Variants in ARHGAP36 observed in about 807,000 individuals in gnomAD.
The protein encoded by ARHGAP36 is Rho GTPase activating protein 36, also known as rho GTPase-activating protein 36.
ARHGAP36 carries 7 observed loss-of-function variants against 32.9 expected under a neutral mutation model. That is an observed-to-expected ratio of 0.21 (90% CI 0.12 to 0.40). The LOEUF (loss-of-function observed/expected upper bound fraction) is 0.40, where lower values mean the gene tolerates loss of function less well. ARHGAP36 is among the 10% of genes least tolerant of loss of function. ARHGAP36 has a pLI of 1.00. For synonymous variants in ARHGAP36, 165 were observed against 168.3 expected, an observed-to-expected ratio of 0.98 and a Z score of 0.15; for missense variants, 383 against 442.2, an observed-to-expected ratio of 0.87 and a Z score of 1.20.
chrX:131,067,950 G>A (rs922505237), intron 1 of ARHGAP36, among the ~76,000 whole-genome samples: 3 of 110,717 alleles, frequency 2.7e-5, no homozygotes, highest in African/African-American at 9.9e-5. Flanking sequence ...GCTTCAACGG[G>A]CACACACACA....
chrX:131,078,630 G>T, intron 1 of ARHGAP36: 1 of 601,198 alleles, frequency 1.7e-6, no homozygotes, highest in Admixed American at 3.4e-5. Context: ...CTCTCATAGT[G>T]CGAAAGCCTG....
At chrX:131,087,410 A>G (rs1003122643) in intron 11 of ARHGAP36, among the ~76,000 whole-genome samples, 1 of 111,349 alleles carries the variant, frequency 9.0e-6, no homozygotes, top group African/African-American at 3.3e-5. Context: ...TCAGCTCTTT[A>G]TGTGGTTCCA....
At chrX:131,083,439 C>T (rs1225328973) in intron 3 of ARHGAP36, among the ~76,000 whole-genome samples, 1 of 112,104 alleles carries the variant, frequency 8.9e-6, no homozygotes, top group African/African-American at 3.2e-5. Flanking sequence ...GGTGGACTCA[C>T]CCCACACAGA....
intron 1 of ARHGAP36, among the ~76,000 whole-genome samples, chrX:131,073,364 A>T (rs1263750135): frequency 8.9e-6 from 1 of 111,853 alleles, no homozygotes; most frequent in Non-Finnish European, 1.9e-5. Context: ...TGGCAGCCAG[A>T]GACCCAGGGC....
intron 7 of ARHGAP36, among the ~76,000 whole-genome samples, 182 bp from the exon 8 acceptor site, chrX:131,085,405 TA>T (rs1430139836): frequency 1.8e-5 from 2 of 109,475 alleles, no homozygotes; most frequent in Non-Finnish European, 3.8e-5. Flanking sequence ...GTCTGGTTTT[TA>T]TGGGGGCACT....
At chrX:131,068,166 C>T (rs1434841468) in intron 1 of ARHGAP36, among the ~76,000 whole-genome samples, 1 of 112,017 alleles carries the variant, frequency 8.9e-6, no homozygotes, top group Non-Finnish European at 1.9e-5. Context: ...CCAGCTAAAA[C>T]GTGCTCCGCG....
At chrX:131,080,937 T>G (rs1166990209) in intron 1 of ARHGAP36, among the ~76,000 whole-genome samples, 1 of 111,886 alleles carries the variant, frequency 8.9e-6, no homozygotes. Flanking sequence ...CAATTCTGTG[T>G]TTTGTATTTG....
At position 131,088,945 on chromosome X, in the gene ARHGAP36, C is replaced by T. The variant is rs932142871; in HGVS notation, c.*160C>T. ...AGGATGAGAATTCCAAACACACTGC[C>T]AGCCCCTTCACTGGGGATGCTTGGT... On this transcript the variant is annotated 3_prime_UTR_variant, in exon 12 of 12. Transcript: ENST00000276211. 3.1e-5 allele frequency: 23 copies of T among 743,488 alleles called. No individual in the cohort carries two copies. Among genetic ancestry groups the T allele is most frequent in the Non-Finnish European group, 4.3e-5 (23 of 538,900 alleles). 61.3% of individuals were successfully genotyped at this position (743,488 alleles called of 1,213,427 possible). A position where few individuals can be genotyped will look rare whatever the true frequency, so the allele number is the denominator to read the frequency against.
In ARHGAP36 at chrX:131,081,792, C is replaced by A; in HGVS notation, c.127C>A (p.Pro43Thr). 8.3e-7 allele frequency: 1 copy of A among 1,212,034 alleles called. No individual in the cohort carries two copies. The highest frequency in any genetic ancestry group is 1.1e-6 in the Non-Finnish European group (1 of 895,585). ...SVLGGAPGHN[P>T]DRRTKMVSIH... The stretch of plus-strand genomic sequence containing the variant: ...CTTGGGAGGAGCCCCAGGACACAAC[C>A]CCGACCGCAGGACGAAGATGGTATC... The change falls in exon 2 of 12, where the codon CCC becomes ACC. Residue 43 changes from proline to threonine, a missense_variant. Physicochemically the swap from Pro to Thr is conservative, Grantham distance 38. Transcript: ENST00000276211.
intron 1 of ARHGAP36, among the ~76,000 whole-genome samples, chrX:131,079,623 A>G (rs1187110745): frequency 3.0e-5 from 3 of 98,566 alleles, no homozygotes; most frequent in Non-Finnish European, 6.1e-5. Context: ...ATAAACCGTT[A>G]CTTAACTTTT....
In ARHGAP36 at chrX:131,081,923, G is replaced by A. The variant is rs1038451391; in HGVS notation, c.253+5G>A. On this transcript the variant is annotated splice_donor_5th_base_variant and intron_variant, in intron 2 of 11. Transcript: ENST00000276211. ...CCGAATTCAAACCTGACAGAGGTAA[G>A]CTGTACCCCGGATTGTGGCATCCTC... is the stretch of plus-strand genomic sequence containing the variant. 2.5e-6 allele frequency: 3 copies of A among 1,209,657 alleles called. No individual in the cohort carries two copies. The highest frequency in any genetic ancestry group is 3.4e-6 in the Non-Finnish European group (3 of 894,345).
At chrX:131,068,595 C>T (rs1172436329) in intron 1 of ARHGAP36, among the ~76,000 whole-genome samples, 1 of 108,159 alleles carries the variant, frequency 9.2e-6, no homozygotes, top group Non-Finnish European at 1.9e-5. Flanking sequence ...TCCCCCTGGC[C>T]CTTTCACTGC....
intron 1 of ARHGAP36, among the ~76,000 whole-genome samples, chrX:131,080,401 A>T (rs779618113): frequency 0.043 from 1,419 of 33,031 alleles, 14 homozygotes; most frequent in Non-Finnish European, 0.091. Flanking sequence ...AAATCTTTAA[A>T]AAAAAAAAAA....
chrX:131,062,365 G>GCA (rs1283931242), intron 1 of ARHGAP36, among the ~76,000 whole-genome samples: 1 of 111,749 alleles, frequency 8.9e-6, no homozygotes, highest in Non-Finnish European at 1.9e-5. Context: ...GGTAAATTTA[G>GCA]TACCTGTGAT....
chrX:131,085,243 T>C (rs2079827999), intron 7 of ARHGAP36, among the ~76,000 whole-genome samples, 179 bp downstream of exon 7: 1 of 111,375 alleles, frequency 9.0e-6, no homozygotes, highest in Non-Finnish European at 1.9e-5. Context: ...AAAAATAAAA[T>C]TTTAATAAAA....
At chrX:131,081,428 CT>C in intron 1 of ARHGAP36, 95 bp from the exon 2 acceptor site, 1 of 669,836 alleles carries the variant, frequency 1.5e-6, no homozygotes, top group Non-Finnish European at 1.9e-6. Context: ...CTTATTTTCT[CT>C]CTTTGTACTT....
At position 131,083,821 on chromosome X, in the gene ARHGAP36, C is replaced by A. The variant is rs768461002; in HGVS notation, c.407C>A (p.Thr136Lys). Residue 136 changes from threonine (T) to lysine (K), a missense_variant, in exon 4 of 12, where the codon ACG (threonine) becomes AAG (lysine). Coordinates refer to ENST00000276211, the MANE Select transcript of ARHGAP36 (RefSeq NM_144967.4). ...CGCAAGCATCTTGAACTGACAGCCA[C>A]GATGCAGGTTGAAGAAGCCACCGGT... ...TRRKHLELTA[T>K]MQVEEATGQA... The A allele has an allele frequency of 1.6e-6, 2 of 1,212,287 alleles. No homozygotes were observed. The highest frequency in any genetic ancestry group is 2.2e-6 in the Non-Finnish European group (2 of 895,633).
chrX:131,077,926 A>T (rs960153270), intron 1 of ARHGAP36, among the ~76,000 whole-genome samples: 5 of 108,806 alleles, frequency 4.6e-5, no homozygotes, highest in Non-Finnish European at 9.5e-5. Context: ...AGTTTTTCTA[A>T]ATTTTATAAA....
At chrX:131,064,011 G>A (rs183021655) in intron 1 of ARHGAP36, among the ~76,000 whole-genome samples, 13 of 112,016 alleles carry the variant, frequency 1.2e-4, no homozygotes, top group African/African-American at 3.6e-4. Flanking sequence ...ACCCCTCAAC[G>A]TAGGTGGCTG....
Sources: gnomAD v4.1 joint callset for allele counts (sites outside exome capture counted in the v4.1 genomes callset) on GRCh38, gnomAD v4.1.1 for gene constraint, MANE v1.5 for transcripts, NCBI Gene and HGNC (gene_info 2026-07-23, HGNC 2026-07-21) for gene names.